Variants in LRRC3B observed in about 807,000 individuals in gnomAD.
LRRC3B encodes leucine-rich repeat-containing protein 3B.
Under a neutral mutation model 12.8 loss-of-function variants are expected in LRRC3B, and 2 were observed. The observed-to-expected ratio is 0.16, with a 90% CI of 0.06 to 0.49. LRRC3B has a LOEUF of 0.49. Ranked by LOEUF, LRRC3B falls within the 20% of genes least tolerant of loss-of-function variation. The pLI, the probability that LRRC3B is intolerant of heterozygous loss-of-function variation, is 0.96. For missense variants in LRRC3B, 189 were observed against 319.4 expected, an observed-to-expected ratio of 0.59 and a Z score of 3.11; for synonymous variants, 132 against 122.0, an observed-to-expected ratio of 1.08 and a Z score of -0.54.
chr3:26,650,843 G>A (rs986038516), intron 1 of LRRC3B, among the ~76,000 whole-genome samples: 8 of 152,178 alleles, frequency 5.3e-5, no homozygotes, highest in Non-Finnish European at 1.0e-4. Context: ...GTGCATAACA[G>A]TTCCAGATTT....
At chr3:26,674,118 G>A (rs1358842777) in intron 1 of LRRC3B, among the ~76,000 whole-genome samples, 1 of 152,164 alleles carries the variant, frequency 6.6e-6, no homozygotes, top group Non-Finnish European at 1.5e-5. Context: ...GTGAGGAGAG[G>A]TTTATGTTGA....
chr3:26,685,523 C>CTCTCTCTCTATA (rs1200535225), intron 1 of LRRC3B, among the ~76,000 whole-genome samples: 3 of 38,320 alleles, frequency 7.8e-5, no homozygotes, highest in African/African-American at 2.6e-4. Flanking sequence ...CTCTCTCTCT[C>CTCTCTCTCTATA]TATATATATA....
chr3:26,693,277 C>A (rs1700231284), intron 1 of LRRC3B, among the ~76,000 whole-genome samples: 1 of 139,278 alleles, frequency 7.2e-6, no homozygotes. Flanking sequence ...TGCAGTGAGT[C>A]GAGATCGCGC....
intron 1 of LRRC3B, chr3:26,624,362 G>T (rs1005810838): frequency 1.3e-5 from 2 of 152,822 alleles, no homozygotes; most frequent in African/African-American, 4.8e-5. Context: ...CAGCCAGGTC[G>T]GTAGACCCAC....
intron 1 of LRRC3B, among the ~76,000 whole-genome samples, chr3:26,662,897 A>C (rs969172018): frequency 1.3e-5 from 2 of 152,120 alleles, no homozygotes; most frequent in African/African-American, 4.8e-5. Flanking sequence ...TTATGTCATG[A>C]GGATTTGAAG....
At chr3:26,679,500 T>A (rs114745986) in intron 1 of LRRC3B, among the ~76,000 whole-genome samples, 486 of 152,308 alleles carry the variant, frequency 3.2e-3, no homozygotes, top group Non-Finnish European at 4.5e-3. Flanking sequence ...CTCCTGGAGC[T>A]CTGTACCTTT....
At chr3:26,645,013 TACAGACAAAGAC>T (rs1376605954) in intron 1 of LRRC3B, among the ~76,000 whole-genome samples, 4 of 152,094 alleles carry the variant, frequency 2.6e-5, no homozygotes, top group Non-Finnish European at 5.9e-5. Flanking sequence ...TATGCATAGA[TACAGACAAAGAC>T]ACAGACATAC....
intron 1 of LRRC3B, among the ~76,000 whole-genome samples, chr3:26,679,933 C>G (rs1193017404): frequency 1.3e-5 from 2 of 152,036 alleles, no homozygotes; most frequent in Non-Finnish European, 2.9e-5. Context: ...ACACGGAATC[C>G]CTGAGCTTCA....
At chr3:26,660,827 A>G (rs78957344) in intron 1 of LRRC3B, among the ~76,000 whole-genome samples, 1 of 152,284 alleles carries the variant, frequency 6.6e-6, no homozygotes, top group Admixed American at 6.5e-5. Context: ...TGATTGAGTT[A>G]CCTATTTTGC....
intron 1 of LRRC3B, among the ~76,000 whole-genome samples, chr3:26,654,193 A>C (rs1394170528): frequency 2.0e-5 from 3 of 152,212 alleles, no homozygotes; most frequent in Non-Finnish European, 4.4e-5. Context: ...GTGGCTGTTT[A>C]AGTATTTCTT....
At chr3:26,680,422 A>G (rs1288161430) in intron 1 of LRRC3B, among the ~76,000 whole-genome samples, 2 of 152,250 alleles carry the variant, frequency 1.3e-5, no homozygotes, top group South Asian at 2.1e-4. Flanking sequence ...ACGTTCTTAC[A>G]GGATTTCTCC....
chr3:26,670,109 C>G, intron 1 of LRRC3B, among the ~76,000 whole-genome samples: 1 of 152,156 alleles, frequency 6.6e-6, no homozygotes, highest in East Asian at 1.9e-4. Flanking sequence ...TTTTGTCTCA[C>G]TCATTTTTAT....
intron 1 of LRRC3B, among the ~76,000 whole-genome samples, chr3:26,679,530 T>C (rs1202840030): frequency 6.6e-6 from 1 of 152,212 alleles, no homozygotes; most frequent in Non-Finnish European, 1.5e-5. Context: ...CAAAGATTGT[T>C]TCCTCACTTC....
intron 1 of LRRC3B, among the ~76,000 whole-genome samples, chr3:26,706,171 T>G (rs1388780351): frequency 6.6e-6 from 1 of 152,164 alleles, no homozygotes; most frequent in African/African-American, 2.4e-5. Context: ...GGGGCCTCTT[T>G]TATAAGGGCA....
chr3:26,707,296 C>T (rs967397186), intron 1 of LRRC3B, among the ~76,000 whole-genome samples: 5 of 150,502 alleles, frequency 3.3e-5, no homozygotes, highest in South Asian at 2.1e-4. Context: ...ACCTGGCAGG[C>T]GGAGATTTGC....
chr3:26,631,733 A>C (rs1433689130), intron 1 of LRRC3B, among the ~76,000 whole-genome samples: 1 of 152,130 alleles, frequency 6.6e-6, no homozygotes, highest in Non-Finnish European at 1.5e-5. Context: ...CTTTTTGTGC[A>C]CATAGACTAT....
At chr3:26,705,624 T>C (rs1467693985) in intron 1 of LRRC3B, among the ~76,000 whole-genome samples, 1 of 152,062 alleles carries the variant, frequency 6.6e-6, no homozygotes, top group African/African-American at 2.4e-5. Context: ...CCCAGCAGCA[T>C]AGCTTGTTTA....
rs1699943973 is a variant in LRRC3B at position 26,680,230 on chromosome 3, C to T, written c.-160-29283C>T. Among the ~76,000 whole-genome samples the T allele has an allele frequency of 2.0e-5, 3 of 152,244 alleles. 1 individual carries two copies. Among genetic ancestry groups the T allele is most frequent in the Middle Eastern group, 6.8e-3 (2 of 294 alleles). ...AGGTGCTTCCCAGCCTTTCCAATAC[C>T]ACCTCTCCACCCCCACTTCCCAGTA... On this transcript the variant is annotated intron_variant, in intron 1 of 1. Coordinates refer to ENST00000396641, the Ensembl canonical transcript of LRRC3B.
chr3:26,709,394 A>C, intron 1 of LRRC3B, 119 bp from the exon 2 acceptor site: 1 of 440,988 alleles, frequency 2.3e-6, no homozygotes, highest in South Asian at 3.6e-5. Flanking sequence ...ATTGATGGAA[A>C]TTACCTGCAT....
Sources: allele counts gnomAD v4.1 joint callset (sites outside exome capture counted in the v4.1 genomes callset), GRCh38; gene constraint gnomAD v4.1.1; transcripts MANE v1.5; gene names NCBI Gene and HGNC (gene_info 2026-07-23, HGNC 2026-07-21).